Variants in TNNI3K observed in about 807,000 individuals in gnomAD.
The protein encoded by TNNI3K is TNNI3 interacting kinase.
In TNNI3K, 140 loss-of-function variants were observed where a neutral mutation model predicts 114.5. The observed-to-expected ratio is 1.22, with a 90% CI of 1.07 to 1.41. The LOEUF (loss-of-function observed/expected upper bound fraction) is 1.41. TNNI3K is among the 40% of genes most tolerant of loss of function. TNNI3K has a pLI of 0.00. For synonymous variants in TNNI3K, 347 were observed against 347.5 expected (o/e 1.00, Z 0.02); for missense variants, 1,125 against 1,007.6 (o/e 1.12, Z -1.58).
chr1:74,479,526 C>T (rs1668374306), intron 21 of TNNI3K, among the ~76,000 whole-genome samples: 1 of 152,192 alleles, frequency 6.6e-6, no homozygotes, highest in Non-Finnish European at 1.5e-5. Context: ...TTAGATAATG[C>T]ATCCAAAGTC....
At position 74,491,996 on chromosome 1, in the gene TNNI3K, T is replaced by C. The variant is rs1052600322; in HGVS notation, c.2182-101T>C. ...CAAGCTGAGTGAATAGAAATTAAAA[T>C]ATGGGAAACCTTGGAATAGAAAGTT... On this transcript the variant is annotated intron_variant, in intron 22 of 24. Coordinates refer to ENST00000326637, the MANE Select transcript of TNNI3K (RefSeq NM_015978.3). The C allele has an allele frequency of 5.5e-5, 75 of 1,366,808 alleles. No individual in the cohort carries two copies. In the East Asian group the frequency reaches 1.6e-3, roughly 29 times the overall value. The allele number at this position is 1,366,808 out of a possible 1,614,324, so 84.7% of individuals were successfully genotyped here.
rs989062832 is a variant in TNNI3K, at chr1:74,474,629, G to A, written c.2121+11079G>A. Among the ~76,000 whole-genome samples the A allele has an allele frequency of 5.9e-5, 9 of 152,068 alleles. No individual in the cohort carries two copies. The East Asian group carries it at 7.7e-4, about 13-fold the overall frequency. On this transcript the variant is annotated intron_variant, in intron 21 of 24. Transcript: ENST00000326637. Reference sequence around the variant, plus strand: ...CATTTTCACTGCTGAGCCTGAATGCGTAGCCTTACTATTCAGGAAGAAAAA... The same window carrying A: ...CATTTTCACTGCTGAGCCTGAATGCATAGCCTTACTATTCAGGAAGAAAAA...
intron 23 of TNNI3K, among the ~76,000 whole-genome samples, chr1:74,503,529 G>T (rs527899172): frequency 6.6e-6 from 1 of 152,262 alleles, no homozygotes; most frequent in African/African-American, 2.4e-5. Flanking sequence ...TATGGATCTT[G>T]TATGTATAAT....
At chr1:74,253,428 TGGCAGGGGGTCGGG>T (rs1028820332) in intron 4 of TNNI3K, among the ~76,000 whole-genome samples, 24 of 151,984 alleles carry the variant, frequency 1.6e-4, no homozygotes, top group Non-Finnish European at 3.1e-4. Context: ...CAAGAGCCCA[TGGCAGGGGGTCGGG>T]GGGAAGCTCA....
intron 2 of TNNI3K, among the ~76,000 whole-genome samples, chr1:74,243,167 CACTCTA>C (rs1654352607): frequency 6.6e-6 from 1 of 152,100 alleles, no homozygotes; most frequent in South Asian, 2.1e-4. Context: ...TCATATCTGT[CACTCTA>C]ACTATAATTG....
Position 74,279,448 on chromosome 1 carries a change from T to G in TNNI3K, c.444+7740T>G, listed in dbSNP as rs1239563029. The stretch of plus-strand genomic sequence containing the variant: ...AGTGAACTTCTTTGAAAATAGAATC[T>G]CAAGACTACCTCAGACCTGCCTATA... On this transcript the variant is annotated intron_variant, in intron 5 of 24. Coordinates refer to ENST00000326637, the MANE Select transcript of TNNI3K (RefSeq NM_015978.3). Among the ~76,000 whole-genome samples the G allele has an allele frequency of 2.0e-5, 3 of 152,302 alleles. No individual in the cohort carries two copies. The East Asian group carries it at 5.8e-4, about 29-fold the overall frequency.
At chr1:74,386,635 A>G (rs1458859416) in intron 17 of TNNI3K, among the ~76,000 whole-genome samples, 1 of 152,178 alleles carries the variant, frequency 6.6e-6, no homozygotes, top group Admixed American at 6.5e-5. Flanking sequence ...GCACTTTTAC[A>G]TAGTCTCAAC....
intron 23 of TNNI3K, among the ~76,000 whole-genome samples, chr1:74,529,650 A>G (rs1308678047): frequency 6.6e-6 from 1 of 152,214 alleles, no homozygotes; most frequent in Non-Finnish European, 1.5e-5. Flanking sequence ...GAAATACACT[A>G]AAGTATTTGG....
At chr1:74,251,590 A>G (rs532192026) in intron 4 of TNNI3K, among the ~76,000 whole-genome samples, 1 of 152,322 alleles carries the variant, frequency 6.6e-6, no homozygotes, top group Non-Finnish European at 1.5e-5. Flanking sequence ...TACTCCCAGA[A>G]TCTTATTTGT....
rs1669299852 is a variant in TNNI3K at position 74,495,853 on chromosome 1, C to CTATTAT, written c.2351+3587_2351+3588insTATTAT. 2.0e-5 allele frequency among the ~76,000 whole-genome samples: 3 copies of CTATTAT among 152,244 alleles called. No individual in the cohort carries two copies. The South Asian group carries it at 6.2e-4, about 32-fold the overall frequency. On this transcript the variant is annotated intron_variant, in intron 23 of 24. Coordinates refer to ENST00000326637, the MANE Select transcript of TNNI3K (RefSeq NM_015978.3). ...CTGGAAGTCAATCTGTGAATAACTT[C>CTATTAT]GACTATTTCTCCCAAGCCTGCCTTT...
At chr1:74,464,112 A>T (rs1411128996) in intron 21 of TNNI3K, among the ~76,000 whole-genome samples, 1 of 152,242 alleles carries the variant, frequency 6.6e-6, no homozygotes, top group Non-Finnish European at 1.5e-5. Flanking sequence ...AAATACGGTC[A>T]TAGGTCTAAA....
chr1:74,329,448 T>C (rs889217649), intron 5 of TNNI3K, among the ~76,000 whole-genome samples: 5 of 152,134 alleles, frequency 3.3e-5, no homozygotes, highest in Non-Finnish European at 7.4e-5. Context: ...TGAGAATGTA[T>C]AGAAGCCTAT....
rs561120792 is a variant in TNNI3K at position 74,296,145 on chromosome 1, G to A, written c.444+24437G>A. 3.5e-3 allele frequency among the ~76,000 whole-genome samples: 537 copies of A among 151,990 alleles called. 5 individuals carry two copies. Among genetic ancestry groups the A allele is most frequent in the African/African-American group, 0.012 (501 of 41,450 alleles). ...CAAAAAATTAGCCGGGCGAGGCGGC[G>A]GGCGCCTGTAGTCCCAGCTACTCTG... On this transcript the variant is annotated intron_variant, in intron 5 of 24. Coordinates refer to ENST00000326637, the MANE Select transcript of TNNI3K (RefSeq NM_015978.3).
intron 17 of TNNI3K, among the ~76,000 whole-genome samples, chr1:74,408,960 A>G (rs1287186746): frequency 6.6e-6 from 1 of 151,908 alleles, no homozygotes; most frequent in South Asian, 2.1e-4. Flanking sequence ...AGACTTCAAG[A>G]AAGATGACAC....
intron 23 of TNNI3K, among the ~76,000 whole-genome samples, chr1:74,510,304 AG>A (rs1173739443): frequency 6.6e-6 from 1 of 152,084 alleles, no homozygotes; most frequent in East Asian, 1.9e-4. Flanking sequence ...CAGGAGATCG[AG>A]ACCATCCTGG....
At chr1:74,255,401 G>A (rs1033551941) in intron 4 of TNNI3K, among the ~76,000 whole-genome samples, 6 of 149,526 alleles carry the variant, frequency 4.0e-5, no homozygotes, top group South Asian at 2.1e-4. Flanking sequence ...ATGTAACCCC[G>A]TAAGTCTCAG....
intron 17 of TNNI3K, among the ~76,000 whole-genome samples, chr1:74,429,705 G>C (rs1665803474): frequency 6.6e-6 from 1 of 152,098 alleles, no homozygotes; most frequent in Non-Finnish European, 1.5e-5. Flanking sequence ...AGGTTTGAAT[G>C]ATTGCCTGTC....
chr1:74,340,195 C>T (rs1448074688), intron 7 of TNNI3K, among the ~76,000 whole-genome samples: 2 of 151,890 alleles, frequency 1.3e-5, no homozygotes, highest in Non-Finnish European at 2.9e-5. Flanking sequence ...GAAACAGCAC[C>T]CATTCACCCA....
At position 74,269,284 on chromosome 1, in the gene TNNI3K, C is replaced by CATAGTAAAAT. The variant is rs544825635; in HGVS notation, c.334-2310_334-2301dup. On this transcript the variant is annotated intron_variant, in intron 4 of 24. Transcript: ENST00000326637. ...CTTTTTGTCTCTCCATTCACGTAAA[C>CATAGTAAAAT]ATAGTAAAATATAAGCTCTGTGAGA... Among the ~76,000 whole-genome samples, 9 of 151,952 alleles carry CATAGTAAAAT rather than the reference C, an allele frequency of 5.9e-5. No individual in the cohort carries two copies. The East Asian group carries it at 1.7e-3, about 29-fold the overall frequency.
Sources: allele counts gnomAD v4.1 joint callset (sites outside exome capture counted in the v4.1 genomes callset), GRCh38; gene constraint gnomAD v4.1.1; transcripts MANE v1.5; gene names NCBI Gene and HGNC (gene_info 2026-07-23, HGNC 2026-07-21).